VPS13B: variants seen among roughly 807,000 people sequenced by gnomAD.
The protein encoded by VPS13B is vacuolar protein sorting 13 homolog B, also known as intermembrane lipid transfer protein VPS13B.
A neutral mutation model predicts 426.4 loss-of-function variants in VPS13B; 285 were observed. The observed-to-expected ratio is 0.67, with a 90% CI of 0.61 to 0.74. The LOEUF is 0.74. Among genes scored for constraint, VPS13B ranks in the 30% least tolerant of loss-of-function variants. VPS13B has a pLI of 0.00. For synonymous variants in VPS13B, 1,676 were observed against 1,676.4 expected (o/e 1.00, Z 0.01); for missense variants, 4,537 against 4,782.6 (o/e 0.95, Z 1.51).
In VPS13B at chr8:99,275,570, G is replaced by C. The variant is rs189690803; in HGVS notation, c.2824+316G>C. Among the ~76,000 whole-genome samples, 590 of 152,168 alleles carry C rather than the reference G, an allele frequency of 3.9e-3. 4 individuals carry two copies. Among genetic ancestry groups the C allele is most frequent in the Non-Finnish European group, 4.8e-3 (328 of 67,972 alleles). On this transcript the variant is annotated intron_variant, in intron 19 of 61. Coordinates refer to ENST00000357162, the MANE Select transcript of VPS13B (RefSeq NM_152564.5). The stretch of plus-strand genomic sequence containing the variant: ...ATCATTATAATGCATATTTTCTTGA[G>C]ATAGTAGCACTTTGTAACCCAAGTT...
chr8:99,366,256 A>G (rs1390755307), intron 19 of VPS13B, among the ~76,000 whole-genome samples: 1 of 152,110 alleles, frequency 6.6e-6, no homozygotes, highest in Non-Finnish European at 1.5e-5. Flanking sequence ...TATTTGCTTT[A>G]TATATCTGGA....
At chr8:99,276,286 T>G (rs1429401882) in intron 19 of VPS13B, among the ~76,000 whole-genome samples, 2 of 152,144 alleles carry the variant, frequency 1.3e-5, no homozygotes, top group Non-Finnish European at 2.9e-5. Flanking sequence ...AAGGTGAGTC[T>G]AAGGATGCTG....
chr8:99,050,575 T>C (rs374135289), intron 3 of VPS13B, among the ~76,000 whole-genome samples: 1 of 152,192 alleles, frequency 6.6e-6, no homozygotes, highest in East Asian at 1.9e-4. Context: ...GGTCAAATGG[T>C]ATTTCTAGTT....
At chr8:99,802,381 A>G (rs879602172) in intron 43 of VPS13B, among the ~76,000 whole-genome samples, 1 of 152,144 alleles carries the variant, frequency 6.6e-6, no homozygotes, top group Admixed American at 6.5e-5. Flanking sequence ...TTGAACTTGA[A>G]TTTTTAAAAT....
rs760544602 is a variant in VPS13B at position 99,480,938 on chromosome 8, T to C, written c.3667-661T>C. ...TACAGTATATGGCACTACGTTGTCA[T>C]ACAAATTTCATGATTAATGCTTATT... On this transcript the variant is annotated intron_variant, in intron 24 of 61. Coordinates refer to ENST00000357162, the MANE Select transcript of VPS13B (RefSeq NM_152564.5). Among the ~76,000 whole-genome samples the C allele has an allele frequency of 2.0e-4, 30 of 152,342 alleles. No individual in the cohort carries two copies. In the Middle Eastern group the frequency reaches 0.014, roughly 69 times the overall value.
intron 39 of VPS13B, among the ~76,000 whole-genome samples, chr8:99,763,091 A>C (rs1201653428): frequency 7.0e-6 from 1 of 142,958 alleles, no homozygotes; most frequent in Non-Finnish European, 1.5e-5. Flanking sequence ...AGCTGTGATC[A>C]CACCACTTCA....
intron 40 of VPS13B, among the ~76,000 whole-genome samples, chr8:99,768,160 G>A (rs1163139609): frequency 2.0e-5 from 3 of 152,156 alleles, no homozygotes; most frequent in African/African-American, 7.2e-5. Flanking sequence ...CATGTGTACT[G>A]TGAGGCTATG....
At chr8:99,173,615 G>A (rs1259957516) in intron 16 of VPS13B, among the ~76,000 whole-genome samples, 1 of 152,112 alleles carries the variant, frequency 6.6e-6, no homozygotes, top group South Asian at 2.1e-4. Context: ...TTAACTAAAT[G>A]CCTTAAAACT....
At chr8:99,180,061 A>T in intron 16 of VPS13B, among the ~76,000 whole-genome samples, 1 of 152,190 alleles carries the variant, frequency 6.6e-6, no homozygotes, top group Non-Finnish European at 1.5e-5. Context: ...TATATTGTAT[A>T]AACACACTTC....
chr8:99,536,287 A>T (rs540372243), intron 30 of VPS13B, among the ~76,000 whole-genome samples: 1 of 152,310 alleles, frequency 6.6e-6, no homozygotes, highest in South Asian at 2.1e-4. Context: ...TTTAGACTTT[A>T]GTTTTAAACT....
intron 19 of VPS13B, among the ~76,000 whole-genome samples, chr8:99,369,774 CA>C (rs1813082918): frequency 6.6e-6 from 1 of 152,162 alleles, no homozygotes; most frequent in Non-Finnish European, 1.5e-5. Context: ...TCATCTATAG[CA>C]AAATGTTAAT....
intron 19 of VPS13B, among the ~76,000 whole-genome samples, chr8:99,352,697 G>A (rs778918788): frequency 3.2e-4 from 48 of 151,668 alleles, no homozygotes; most frequent in Non-Finnish European, 3.8e-4. Flanking sequence ...GGTAGCGGGC[G>A]CCTCTAATCC....
At chr8:99,523,123 G>A (rs751215982) in intron 30 of VPS13B, among the ~76,000 whole-genome samples, 5 of 152,178 alleles carry the variant, frequency 3.3e-5, no homozygotes, top group African/African-American at 4.8e-5. Flanking sequence ...GGTTGCCAGG[G>A]CCTGCTTGTG....
chr8:99,850,627 T>G (rs1457751405), intron 55 of VPS13B, among the ~76,000 whole-genome samples: 1 of 152,180 alleles, frequency 6.6e-6, no homozygotes, highest in Middle Eastern at 3.2e-3. Context: ...AAATCTTTCT[T>G]TTAAAAAGCT....
intron 51 of VPS13B, among the ~76,000 whole-genome samples, chr8:99,831,886 G>A (rs534965496): frequency 2.0e-5 from 3 of 152,088 alleles, no homozygotes; most frequent in Non-Finnish European, 4.4e-5. Context: ...CATTCTCATG[G>A]GGACAGGATT....
At chr8:99,050,729 A>G in intron 3 of VPS13B, among the ~76,000 whole-genome samples, 1 of 152,170 alleles carries the variant, frequency 6.6e-6, no homozygotes, top group Admixed American at 6.5e-5. Context: ...TGCCATTCTA[A>G]CTGGTGTGAG....
In VPS13B at chr8:99,173,961, A is replaced by G. The variant is rs181816013; in HGVS notation, c.2333+3798A>G. Among the ~76,000 whole-genome samples, 14 of 152,356 alleles carry G rather than the reference A, an allele frequency of 9.2e-5. No homozygotes were observed. The East Asian group carries it at 2.5e-3, about 27-fold the overall frequency. On this transcript the variant is annotated intron_variant, in intron 16 of 61. Transcript: ENST00000357162. ...ATAACTATTTTTAAATGTAAAATTC[A>G]GTAGCATTAAGTACATTCACATTGT... is the stretch of plus-strand genomic sequence containing the variant.
intron 19 of VPS13B, among the ~76,000 whole-genome samples, chr8:99,362,036 C>T (rs1812589921): frequency 6.6e-6 from 1 of 152,086 alleles, no homozygotes; most frequent in East Asian, 1.9e-4. Flanking sequence ...TCTTCTGCTC[C>T]TCTCTGTTTC....
chr8:99,280,935 C>A (rs1819139895), intron 19 of VPS13B, among the ~76,000 whole-genome samples: 2 of 152,080 alleles, frequency 1.3e-5, no homozygotes, highest in Non-Finnish European at 2.9e-5. Flanking sequence ...CATACCCTTT[C>A]TATTCAATCC....
Sources: gnomAD v4.1 joint callset for allele counts (sites outside exome capture counted in the v4.1 genomes callset) on GRCh38, gnomAD v4.1.1 for gene constraint, MANE v1.5 for transcripts, NCBI Gene and HGNC (gene_info 2026-07-23, HGNC 2026-07-21) for gene names.